Variants in MEGF6 observed in about 807,000 individuals in gnomAD.
MEGF6 encodes multiple epidermal growth factor-like domains protein 6.
In MEGF6, 184 loss-of-function variants were observed where a neutral mutation model predicts 207.1. The observed-to-expected ratio is 0.89, with a 90% confidence interval of 0.79 to 1.00. MEGF6 has a LOEUF of 1.00. Ranked by LOEUF, MEGF6 falls within the 50% of genes least tolerant of loss-of-function variation. The pLI is 0.00. For missense variants in MEGF6, 2,282 were observed against 2,202.9 expected (o/e 1.04, Z -0.72); for synonymous variants, 1,038 against 910.0 (o/e 1.14, Z -2.53).
Position 3,606,724 on chromosome 1 carries a change from C to T in MEGF6, c.132-4124G>A, listed in dbSNP as rs572969677. 5.9e-5 allele frequency among the ~76,000 whole-genome samples: 9 copies of T among 152,340 alleles called. No individual in the cohort carries two copies. The East Asian group carries it at 1.7e-3, about 29-fold the overall frequency. Reference sequence around the variant, plus strand: ...TTTGCCGTCCCTGTGCCTTGCAACGCACTTACCCACGGCGAGCCCTGGGCA... The same window carrying T: ...TTTGCCGTCCCTGTGCCTTGCAACGTACTTACCCACGGCGAGCCCTGGGCA... On this transcript the variant is annotated intron_variant, in intron 1 of 36. Coordinates refer to ENST00000356575, the MANE Select transcript of MEGF6 (RefSeq NM_001409.4).
At position 3,490,976 on chromosome 1, in the gene MEGF6, GCAGGC is replaced by G; in HGVS notation, c.4517-22_4517-18del. 1.3e-6 allele frequency: 2 copies of G among 1,589,896 alleles called. No homozygotes were observed. Among genetic ancestry groups the G allele is most frequent in the African/African-American group, 1.4e-5 (1 of 73,626 alleles). ...GGGGCCCACCTGGAGGGGAGAGAGA[GCAGGC>G]CATGTTAGTACCCCCAGCCTTGAGT... On this transcript the variant is annotated intron_variant, in intron 35 of 36. Coordinates refer to ENST00000356575, the MANE Select transcript of MEGF6 (RefSeq NM_001409.4).
rs1442502424 is a variant in MEGF6 at position 3,499,636 on chromosome 1, C to T, written c.2917G>A (p.Gly973Ser). The part of the protein sequence containing the change: ...TAGAACDAVN[G>S]SCLCPAGRRG... ...CGGCCAGCGGGGCAGAGGCAGGAGC[C>T]ATTCACGGCATCACAGGCAGCTCCG... The change falls in exon 23 of 37, where the codon GGC becomes AGC. Residue 973 changes from glycine (G) to serine (S), a missense_variant. Gly to Ser is a moderately conservative substitution (Grantham distance 56). Transcript: ENST00000356575. 4 of 1,592,996 alleles carry T rather than the reference C, an allele frequency of 2.5e-6. No individual in the cohort carries two copies. Among genetic ancestry groups the T allele is most frequent in the Non-Finnish European group, 3.4e-6 (4 of 1,170,840 alleles).
rs1640276471 is a variant in MEGF6, at chr1:3,489,740, TCTC to T, written c.*785_*787del. Among the ~76,000 whole-genome samples the T allele has an allele frequency of 6.6e-6, 1 of 152,150 alleles. No homozygotes were observed. Among genetic ancestry groups the T allele is most frequent in the African/African-American group, 2.4e-5 (1 of 41,444 alleles). ...GCGGTAATGAATGCAGCCCCAGCGT[TCTC>T]CTCAATAGCACTGGGAACTGAGATG... On this transcript the variant is annotated 3_prime_UTR_variant, in exon 37 of 37. Transcript: ENST00000356575.
At chr1:3,543,867 T>C (rs1255342058) in intron 4 of MEGF6, among the ~76,000 whole-genome samples, 6 of 152,172 alleles carry the variant, frequency 3.9e-5, no homozygotes, top group Admixed American at 1.3e-4. Flanking sequence ...GTCATGGAGT[T>C]GACATTCCAG....
intron 4 of MEGF6, among the ~76,000 whole-genome samples, chr1:3,569,559 A>G (rs11586018): frequency 0.085 from 12,873 of 152,320 alleles, 655 homozygotes; most frequent in African/African-American, 0.13. Context: ...GGTCTCTGAC[A>G]CACCCAGCTA....
intron 21 of MEGF6, 51 bp downstream of exon 21, chr1:3,500,582 T>C (rs915463059): frequency 1.3e-6 from 2 of 1,518,878 alleles, no homozygotes; most frequent in Non-Finnish European, 1.8e-6. Context: ...TGCATATGTG[T>C]GCGTGTGCGC....
chr1:3,564,592 G>A (rs1643294973), intron 4 of MEGF6, among the ~76,000 whole-genome samples: 1 of 152,112 alleles, frequency 6.6e-6, no homozygotes, highest in African/African-American at 2.4e-5. Context: ...CACCAGCCCA[G>A]CCCTGGCAAG....
rs1640329466 is a variant in MEGF6 at position 3,490,907 on chromosome 1, C to T, written c.4564+5G>A. On this transcript the variant is annotated splice_donor_5th_base_variant and intron_variant, in intron 36 of 36. Coordinates refer to ENST00000356575, the MANE Select transcript of MEGF6 (RefSeq NM_001409.4). ...AAGCCCACGGGCATTCCCCACACCCCTTACCTGAGCCCTGGGCTAAGGACG... is the reference window on the plus strand; with the variant it reads ...AAGCCCACGGGCATTCCCCACACCCTTTACCTGAGCCCTGGGCTAAGGACG... 1.9e-6 allele frequency: 3 copies of T among 1,587,916 alleles called. No homozygotes were observed. Among genetic ancestry groups the T allele is most frequent in the Non-Finnish European group, 2.6e-6 (3 of 1,166,924 alleles).
Position 3,490,129 on chromosome 1 carries a change from C to A in MEGF6, c.*399G>T. On this transcript the variant is annotated 3_prime_UTR_variant, in exon 37 of 37. Coordinates refer to ENST00000356575, the MANE Select transcript of MEGF6 (RefSeq NM_001409.4). ...AAATACGGGCTGGGCGACTTCCAGT[C>A]CCAGGGCCTAGCACCAAAAAGCCTG... The A allele has an allele frequency of 4.2e-6, 1 of 239,536 alleles. No individual in the cohort carries two copies. 14.8% of individuals were successfully genotyped at this position (239,536 alleles called of 1,614,324 possible).
Position 3,498,862 on chromosome 1 carries a change from C to T in MEGF6, c.3095-36G>A, listed in dbSNP as rs760850151. On this transcript the variant is annotated intron_variant, in intron 24 of 36. Coordinates refer to ENST00000356575, the MANE Select transcript of MEGF6 (RefSeq NM_001409.4). ...GGAAGAGGGAGCAACCTGCATCCCC[C>T]AGCCAGCTGGCCCCACAGGGTCTGT... 9 of 1,542,866 alleles carry T rather than the reference C, an allele frequency of 5.8e-6. No homozygotes were observed. In the South Asian group the frequency reaches 9.6e-5, roughly 16 times the overall value.
chr1:3,579,694 G>A (rs1022972214), intron 4 of MEGF6, 131 bp downstream of exon 4: 2 of 581,532 alleles, frequency 3.4e-6, no homozygotes, highest in African/African-American at 4.8e-5. Context: ...AATGTCCTCA[G>A]AAGAATGCCC....
rs535165758 is a variant in MEGF6, at chr1:3,498,438, G to T, written c.3285C>A (p.Gly1095=). The change falls in exon 26 of 37, where the codon GGC becomes GGA. Residue 1095 remains glycine, a synonymous_variant. Transcript: ENST00000356575. ...CRHSGGCLNG[G]LCDPHTGRCL... ...AGCGGCCCGTGTGCGGGTCACACAG[G>T]CCCCCGTTGAGGCAACCGCCGCTGT... 1 of 1,580,002 alleles carries T rather than the reference G, an allele frequency of 6.3e-7. No homozygotes were observed. Among genetic ancestry groups the T allele is most frequent in the African/African-American group, 1.3e-5 (1 of 74,482 alleles).
At chr1:3,616,144 C>T (rs1251601256), upstream of MEGF6, among the ~76,000 whole-genome samples, 2 of 152,140 alleles carry the variant, frequency 1.3e-5, no homozygotes, top group African/African-American at 2.4e-5. Context: ...TCCCCATGTC[C>T]GGTCCGCGGG....
At chr1:3,590,249 G>T (rs1215671701) in intron 3 of MEGF6, among the ~76,000 whole-genome samples, 2 of 152,234 alleles carry the variant, frequency 1.3e-5, no homozygotes, top group Non-Finnish European at 2.9e-5. Flanking sequence ...GCCCACCGGG[G>T]AGCCCGGCTT....
chr1:3,621,831 G>A, the MEGF6 span, among the ~76,000 whole-genome samples: 1 of 152,238 alleles, frequency 6.6e-6, no homozygotes, highest in African/African-American at 2.4e-5. Context: ...AGTCAAAGGA[G>A]ATTATTTTGG....
chr1:3,511,049 A>G (rs1641328234), intron 9 of MEGF6, 147 bp from the exon 10 acceptor site: 1 of 1,172,548 alleles, frequency 8.5e-7, no homozygotes, highest in Admixed American at 2.6e-5. Flanking sequence ...GCACACCGAC[A>G]TTCATGGCAC....
At chr1:3,577,565 C>T (rs1238474144) in intron 4 of MEGF6, among the ~76,000 whole-genome samples, 1 of 152,240 alleles carries the variant, frequency 6.6e-6, no homozygotes, top group Non-Finnish European at 1.5e-5. Context: ...GGCCCAGAGC[C>T]AGGAGGGAGC....
intron 1 of MEGF6, among the ~76,000 whole-genome samples, chr1:3,609,063 G>T (rs550306607): frequency 6.6e-6 from 1 of 152,284 alleles, no homozygotes; most frequent in East Asian, 1.9e-4. Flanking sequence ...GCCAGCGGGG[G>T]TGCCGCTGCC....
intron 10 of MEGF6, 132 bp from the exon 11 acceptor site, chr1:3,510,124 CA>C: frequency 1.6e-6 from 2 of 1,264,144 alleles, no homozygotes; most frequent in South Asian, 3.0e-5. Context: ...TCTCTTCAAC[CA>C]GCCAGTAAAA....
Sources: allele counts gnomAD v4.1 joint callset (sites outside exome capture counted in the v4.1 genomes callset), GRCh38; gene constraint gnomAD v4.1.1; transcripts MANE v1.5; gene names NCBI Gene and HGNC (gene_info 2026-07-23, HGNC 2026-07-21).